Variants in NDEL1 observed in about 807,000 individuals in gnomAD.
NDEL1 encodes the protein nuclear distribution protein nudE-like 1.
Under a neutral mutation model 45.7 loss-of-function variants are expected in NDEL1, and 9 were observed. The ratio of observed to expected loss-of-function variants is 0.20; its 90% CI spans 0.12 to 0.34. The LOEUF (loss-of-function observed/expected upper bound fraction) is 0.34, where lower values mean the gene tolerates loss of function less well. NDEL1 is among the 10% of genes least tolerant of loss of function. The probability of loss-of-function intolerance (pLI) is 1.00; values close to 1 mark genes in which losing one functional copy is unlikely to be tolerated. For synonymous variants in NDEL1, 133 were observed against 158.6 expected (o/e 0.84, Z 1.21); for missense variants, 306 against 406.2 (o/e 0.75, Z 2.12).
chr17:8,426,064 A>C (rs911837738), intron 1 of NDEL1, among the ~76,000 whole-genome samples: 4 of 152,220 alleles, frequency 2.6e-5, no homozygotes, highest in Non-Finnish European at 5.9e-5. Context: ...TGTTGGGATT[A>C]CTGGAGTAAG....
upstream of NDEL1, among the ~76,000 whole-genome samples, chr17:8,432,376 T>A (rs1306128710): frequency 1.5e-5 from 2 of 134,842 alleles, no homozygotes; most frequent in African/African-American, 5.4e-5. Context: ...ATATATTTAA[T>A]GGCAGGCCAA....
chr17:8,436,769 CCTAT>C (rs1321091337), intron 1 of NDEL1: 1 of 152,226 alleles, frequency 6.6e-6, no homozygotes, highest in Non-Finnish European at 1.5e-5. Context: ...CACTCTTCTT[CCTAT>C]CTTTTTCTAA....
At chr17:8,462,290 T>C (rs1451349506) in intron 8 of NDEL1, among the ~76,000 whole-genome samples, 1 of 152,274 alleles carries the variant, frequency 6.6e-6, no homozygotes, top group Non-Finnish European at 1.5e-5. Context: ...CTGGCTGTTG[T>C]GTGAGTGTTT....
downstream of NDEL1, among the ~76,000 whole-genome samples, chr17:8,468,478 C>A (rs557608604): frequency 2.0e-5 from 3 of 152,194 alleles, no homozygotes; most frequent in Non-Finnish European, 4.4e-5. Flanking sequence ...GGGATGGATC[C>A]GGGACCTGGT....
chr17:8,432,318 T>TATATA (rs1491329750), upstream of NDEL1, among the ~76,000 whole-genome samples: 2 of 55,558 alleles, frequency 3.6e-5, 1 homozygote, highest in East Asian at 1.2e-3. Flanking sequence ...TATATATATA[T>TATATA]TTATATATAA....
intron 8 of NDEL1, among the ~76,000 whole-genome samples, chr17:8,462,329 C>A (rs1006294639): frequency 6.6e-6 from 1 of 152,096 alleles, no homozygotes; most frequent in African/African-American, 2.4e-5. Context: ...ATTGTGTATG[C>A]GCACTGAAAT....
downstream of NDEL1, among the ~76,000 whole-genome samples, chr17:8,472,449 G>A (rs573406251): frequency 5.9e-5 from 9 of 152,210 alleles, no homozygotes; most frequent in African/African-American, 1.9e-4. Context: ...ACGTGAGGCC[G>A]GGAGTTCAAA....
intron 3 of NDEL1, 82 bp from the exon 4 acceptor site, chr17:8,446,672 C>CG (rs377378540): frequency 6.8e-6 from 10 of 1,472,208 alleles, no homozygotes; most frequent in South Asian, 6.4e-5. Context: ...GGGTTCCCCC[C>CG]CACCCTTTTA....
intron 1 of NDEL1, among the ~76,000 whole-genome samples, chr17:8,424,021 A>G (rs1352068798): frequency 2.6e-5 from 4 of 152,250 alleles, no homozygotes; most frequent in Admixed American, 1.3e-4. Flanking sequence ...TTTAAACTTT[A>G]GAAAATTACA....
intron 7 of NDEL1, 36 bp downstream of exon 7, chr17:8,454,923 T>C: frequency 6.7e-7 from 1 of 1,491,816 alleles, no homozygotes; most frequent in Non-Finnish European, 9.3e-7. Flanking sequence ...GTGTTTCCAC[T>C]GACAAGGTAT....
In NDEL1 at chr17:8,448,551, G is replaced by A. The variant is rs762100369; in HGVS notation, c.391G>A (p.Ala131Thr). The A allele has an allele frequency of 3.1e-6, 5 of 1,609,882 alleles. No homozygotes were observed. In the South Asian group the frequency reaches 4.4e-5, roughly 14 times the overall value. The change falls in exon 5 of 9, where the codon GCA (alanine) becomes ACA (threonine). Residue 131 changes from alanine (A) to threonine (T), a missense_variant and splice_region_variant. Ala to Thr is a moderately conservative substitution (Grantham distance 58). Coordinates refer to ENST00000334527, the MANE Select transcript of NDEL1 (RefSeq NM_030808.5). ...ANDDLERAKR[A>T]TIVSLEDFEQ... ...ATGTACTCTAATTTTTCTTTTTAGG[G>A]CAACAATAGTTTCACTGGAAGACTT...
At chr17:8,421,913 C>T (rs770994605) in intron 1 of NDEL1, among the ~76,000 whole-genome samples, 3 of 152,172 alleles carry the variant, frequency 2.0e-5, no homozygotes, top group Non-Finnish European at 4.4e-5. Flanking sequence ...CAGGGTGGGT[C>T]CTGACTCACT....
intron 7 of NDEL1, among the ~76,000 whole-genome samples, chr17:8,455,577 C>T (rs747341509): frequency 6.6e-6 from 1 of 150,386 alleles, no homozygotes; most frequent in Non-Finnish European, 1.5e-5. Flanking sequence ...ATCCCAGCTA[C>T]TTGGGAGGCT....
At chr17:8,469,861 A>T (rs1421674345), downstream of NDEL1, among the ~76,000 whole-genome samples, 3 of 128,652 alleles carry the variant, frequency 2.3e-5, no homozygotes, top group Non-Finnish European at 3.2e-5. Flanking sequence ...TGCCTGGCTA[A>T]TTTTTTTTTT....
At chr17:8,420,891 C>T (rs897724679) in intron 1 of NDEL1, among the ~76,000 whole-genome samples, 1 of 152,168 alleles carries the variant, frequency 6.6e-6, no homozygotes, top group African/African-American at 2.4e-5. Flanking sequence ...AAGTTTTGCT[C>T]TTTGCTGGTG....
intron 1 of NDEL1, among the ~76,000 whole-genome samples, chr17:8,415,337 C>T (rs953833283): frequency 3.9e-5 from 6 of 152,058 alleles, no homozygotes; most frequent in Non-Finnish European, 8.8e-5. Flanking sequence ...TGCCATCATA[C>T]TTGGCTAATT....
intron 1 of NDEL1, among the ~76,000 whole-genome samples, chr17:8,440,921 A>T (rs746713489): frequency 1.5e-4 from 23 of 152,248 alleles, no homozygotes; most frequent in Non-Finnish European, 2.4e-4. Flanking sequence ...CCTGAATAAC[A>T]TTTAGAGATT....
intron 6 of NDEL1, among the ~76,000 whole-genome samples, chr17:8,453,468 T>C (rs148516941): frequency 6.2e-4 from 94 of 152,330 alleles, no homozygotes; most frequent in African/African-American, 2.1e-3. Context: ...CCCTCTTACA[T>C]ATGGGTCACT....
At chr17:8,457,964 G>T (rs150439907) in intron 7 of NDEL1, among the ~76,000 whole-genome samples, 146 of 152,176 alleles carry the variant, frequency 9.6e-4, no homozygotes, top group African/African-American at 3.1e-3. Flanking sequence ...ATACTTATGT[G>T]GTACATATTA....
Sources: allele counts gnomAD v4.1 joint callset (sites outside exome capture counted in the v4.1 genomes callset), GRCh38; gene constraint gnomAD v4.1.1; transcripts MANE v1.5; gene names NCBI Gene and HGNC (gene_info 2026-07-23, HGNC 2026-07-21).